Variants in ESYT2 observed in about 807,000 individuals in gnomAD.
ESYT2 encodes the protein extended synaptotagmin-2.
In ESYT2, 54 loss-of-function variants were observed where a neutral mutation model predicts 107.2. The ratio of observed to expected loss-of-function variants is 0.50; its 90% CI spans 0.40 to 0.63. The LOEUF is 0.63. Ranked by LOEUF, ESYT2 falls within the 30% of genes least tolerant of loss-of-function variation. The pLI, the probability that ESYT2 is intolerant of heterozygous loss-of-function variation, is 0.00. For synonymous variants in ESYT2, 491 were observed against 434.1 expected, an observed-to-expected ratio of 1.13 and a Z score of -1.63; for missense variants, 1,020 against 1,094.5, an observed-to-expected ratio of 0.93 and a Z score of 0.96.
In ESYT2 at chr7:158,741,845, G is replaced by A; in HGVS notation, c.1846C>T (p.Gln616Ter). Residue 616 changes from glutamine (Q) to a stop codon, truncating the protein, a stop_gained, in exon 18 of 23, where the codon CAA (glutamine) becomes TAA (stop). Transcript: ENST00000275418. LOFTEE classifies it high-confidence loss of function. Reference protein sequence around the residue: ...ERPPDHQHSAQVKRPSVSKEG... With the variant: ...ERPPDHQHSA The stretch of plus-strand genomic sequence containing the variant: ...TTGGACACAGAGGGACGTTTGACTT[G>A]AGCTGAGTGTTGGTGGTCTGGAGGC... The A allele has an allele frequency of 6.2e-7, 1 of 1,613,870 alleles. No individual in the cohort carries two copies. The highest frequency in any genetic ancestry group is 1.3e-5 in the African/African-American group (1 of 75,010).
chr7:158,740,635 T>C (rs1563616927), intron 18 of ESYT2, among the ~76,000 whole-genome samples: 1 of 152,208 alleles, frequency 6.6e-6, no homozygotes, highest in Non-Finnish European at 1.5e-5. Flanking sequence ...CCTAAGATCA[T>C]TTCTACTTCC....
At chr7:158,791,793 C>T (rs1839300971) in intron 4 of ESYT2, among the ~76,000 whole-genome samples, 1 of 152,180 alleles carries the variant, frequency 6.6e-6, no homozygotes, top group Admixed American at 6.5e-5. Context: ...TGTTGAATTT[C>T]AGGAGTTCTC....
intron 2 of ESYT2, among the ~76,000 whole-genome samples, 178 bp downstream of exon 2, chr7:158,798,853 T>C (rs951790105): frequency 6.6e-6 from 1 of 152,108 alleles, no homozygotes; most frequent in Admixed American, 6.6e-5. Context: ...CAGTTCTCAC[T>C]CTCTGGAAAG....
At chr7:158,746,246 A>ACC (rs1398317013) in intron 16 of ESYT2, among the ~76,000 whole-genome samples, 4 of 150,118 alleles carry the variant, frequency 2.7e-5, no homozygotes, top group East Asian at 1.9e-4. Flanking sequence ...ACACACACAC[A>ACC]CACACACACG....
intron 1 of ESYT2, among the ~76,000 whole-genome samples, chr7:158,816,701 T>C (rs1055117130): frequency 1.3e-5 from 2 of 152,230 alleles, no homozygotes; most frequent in Non-Finnish European, 2.9e-5. Context: ...CCTGCTCCAG[T>C]ACTCACGTTG....
At chr7:158,813,644 C>T (rs1038385706) in intron 1 of ESYT2, among the ~76,000 whole-genome samples, 1 of 152,152 alleles carries the variant, frequency 6.6e-6, no homozygotes, top group African/African-American at 2.4e-5. Flanking sequence ...AAAAGAAATA[C>T]TAAAGTAAGT....
intron 3 of ESYT2, among the ~76,000 whole-genome samples, chr7:158,797,338 G>A (rs760738496): frequency 2.0e-5 from 3 of 151,960 alleles, no homozygotes; most frequent in South Asian, 4.2e-4. Context: ...TTGTAGAGAC[G>A]GAGTCCCACT....
At chr7:158,776,748 T>C (rs1292274663) in intron 6 of ESYT2, among the ~76,000 whole-genome samples, 1 of 152,224 alleles carries the variant, frequency 6.6e-6, no homozygotes, top group Non-Finnish European at 1.5e-5. Context: ...CCTTCGAACA[T>C]TTCCTTTGCA....
At chr7:158,791,812 C>T (rs1021380068) in intron 4 of ESYT2, among the ~76,000 whole-genome samples, 2 of 152,156 alleles carry the variant, frequency 1.3e-5, no homozygotes, top group Non-Finnish European at 2.9e-5. Flanking sequence ...TCTATATATC[C>T]TGGATGATGA....
intron 1 of ESYT2, among the ~76,000 whole-genome samples, chr7:158,828,726 G>A (rs1315637598): frequency 2.0e-5 from 3 of 152,092 alleles, no homozygotes; most frequent in Non-Finnish European, 4.4e-5. Flanking sequence ...GCCCCAGGCG[G>A]ACAGGTTCGC....
intron 3 of ESYT2, among the ~76,000 whole-genome samples, chr7:158,794,637 G>A (rs1839407400): frequency 2.0e-5 from 3 of 152,156 alleles, no homozygotes; most frequent in Non-Finnish European, 4.4e-5. Context: ...CTCCCCAGGC[G>A]TGGTGGCGTG....
chr7:158,790,218 G>GT (rs1839242972), intron 4 of ESYT2, among the ~76,000 whole-genome samples: 1 of 152,114 alleles, frequency 6.6e-6, no homozygotes, highest in Non-Finnish European at 1.5e-5. Flanking sequence ...TGAAATAAAG[G>GT]TAACTTGGTA....
rs1331474795 is a variant in ESYT2, at chr7:158,734,122, A to G, written c.*85T>C. On this transcript the variant is annotated 3_prime_UTR_variant, in exon 23 of 23. Coordinates refer to ENST00000275418, the MANE Select transcript of ESYT2 (RefSeq NM_001367773.1). ...ATAACTAAATCCATGAAATTATAAAAATAACATTGGTACGTCTGTGAGAGG... is the reference window on the plus strand; with the variant it reads ...ATAACTAAATCCATGAAATTATAAAGATAACATTGGTACGTCTGTGAGAGG... 1 of 1,472,360 alleles carries G rather than the reference A, an allele frequency of 6.8e-7. No individual in the cohort carries two copies. The highest frequency in any genetic ancestry group is 9.4e-7 in the Non-Finnish European group (1 of 1,064,666). The allele number at this position is 1,472,360 out of a possible 1,614,324, so 91.2% of individuals were successfully genotyped here.
rs768965196 is a variant in ESYT2, at chr7:158,764,708, T to A, written c.1070A>T (p.Asn357Ile). 8 of 1,613,996 alleles carry A rather than the reference T, an allele frequency of 5.0e-6. No homozygotes were observed. Among genetic ancestry groups the A allele is most frequent in the Non-Finnish European group, 5.9e-6 (7 of 1,179,970 alleles). The change falls in exon 9 of 23, where the codon AAC becomes ATC. Residue 357 changes from asparagine to isoleucine, a missense_variant. Coordinates refer to ENST00000275418, the MANE Select transcript of ESYT2 (RefSeq NM_001367773.1). ...GACTTCATTCCACTTTGGACTGAGG[T>A]TCTCCTTGATGACTCTGCTTTGGAA... Reference protein sequence around the residue: ...QIFQSRVIKENLSPKWNEVYE... With the variant: ...QIFQSRVIKEILSPKWNEVYE...
chr7:158,781,831 G>A (rs1315700938), intron 6 of ESYT2, among the ~76,000 whole-genome samples: 1 of 151,342 alleles, frequency 6.6e-6, no homozygotes, highest in Non-Finnish European at 1.5e-5. Context: ...GTAATAACGA[G>A]AACAAGTGTG....
rs1203482867 is a variant in ESYT2 at position 158,743,599 on chromosome 7, G to T, written c.1724C>A (p.Thr575Asn). 1 of 1,613,606 alleles carries T rather than the reference G, an allele frequency of 6.2e-7. No homozygotes were observed. The highest frequency in any genetic ancestry group is 8.5e-7 in the Non-Finnish European group (1 of 1,179,894). ...LSQLLTSEDM[T>N]VSQRFQLSNS... ...ACTGAGCTGGAAGCGCTGGCTCACAGTCATGTCCTCACTGGTGAGCAGCTG... is the reference window on the plus strand; with the variant it reads ...ACTGAGCTGGAAGCGCTGGCTCACATTCATGTCCTCACTGGTGAGCAGCTG... Residue 575 changes from threonine to asparagine, a missense_variant, in exon 17 of 23, where the codon ACT (threonine) becomes AAT (asparagine). Thr to Asn is a moderately conservative substitution (Grantham distance 65, BLOSUM62 0). Coordinates refer to ENST00000275418, the MANE Select transcript of ESYT2 (RefSeq NM_001367773.1).
At chr7:158,759,791 T>C (rs1837897778) in intron 12 of ESYT2, among the ~76,000 whole-genome samples, 1 of 152,182 alleles carries the variant, frequency 6.6e-6, no homozygotes, top group Admixed American at 6.5e-5. Context: ...AGCACTCAGG[T>C]GATTTCTGGC....
chr7:158,799,024 A>T lies in ESYT2; in HGVS notation c.372+7T>A. On this transcript the variant is annotated splice_region_variant and intron_variant, in intron 2 of 22. Coordinates refer to ENST00000275418, the MANE Select transcript of ESYT2 (RefSeq NM_001367773.1). ...GATGGATGGTAGTTGGTATACTCTA[A>T]TCTTACCTTATTTAGCCATTCTGCT... The T allele has an allele frequency of 1.2e-6, 2 of 1,612,900 alleles. No homozygotes were observed. The highest frequency in any genetic ancestry group is 1.7e-6 in the Non-Finnish European group (2 of 1,178,980).
intron 14 of ESYT2, 41 bp downstream of exon 14, chr7:158,752,740 T>C: frequency 8.1e-7 from 1 of 1,237,046 alleles, no homozygotes; most frequent in Non-Finnish European, 1.1e-6. Flanking sequence ...TCTTTCAATA[T>C]GTTTTCATTA....
Sources: allele counts gnomAD v4.1 joint callset (sites outside exome capture counted in the v4.1 genomes callset), GRCh38; gene constraint gnomAD v4.1.1; transcripts MANE v1.5; gene names NCBI Gene and HGNC (gene_info 2026-07-23, HGNC 2026-07-21).